Variants in PDGFC observed in about 807,000 individuals in gnomAD.
PDGFC encodes the protein platelet derived growth factor C, also known as platelet-derived growth factor C.
A neutral mutation model predicts 35.5 loss-of-function variants in PDGFC; 12 were observed. The ratio of observed to expected loss-of-function variants is 0.34; its 90% CI spans 0.22 to 0.55. PDGFC has a LOEUF of 0.55. Among genes scored for constraint, PDGFC ranks in the 20% least tolerant of loss-of-function variants. The pLI, the probability that PDGFC is intolerant of heterozygous loss-of-function variation, is 0.91. For missense variants in PDGFC, 322 were observed against 412.4 expected, an observed-to-expected ratio of 0.78 and a Z score of 1.90; for synonymous variants, 159 against 148.8, an observed-to-expected ratio of 1.07 and a Z score of -0.50.
chr4:156,841,193 T>A (rs1310716935), intron 2 of PDGFC, among the ~76,000 whole-genome samples: 1 of 152,160 alleles, frequency 6.6e-6, no homozygotes, highest in East Asian at 1.9e-4. Context: ...CTCACCCAAA[T>A]CACATCTTGA....
At chr4:156,925,688 T>G (rs1731392745) in intron 1 of PDGFC, among the ~76,000 whole-genome samples, 1 of 150,142 alleles carries the variant, frequency 6.7e-6, no homozygotes, top group Non-Finnish European at 1.5e-5. Flanking sequence ...TCTACATACA[T>G]ACAGTATTTG....
intron 3 of PDGFC, among the ~76,000 whole-genome samples, chr4:156,809,848 CTTAAT>C (rs751583176): frequency 2.0e-5 from 3 of 151,670 alleles, no homozygotes; most frequent in Non-Finnish European, 4.4e-5. Flanking sequence ...AAATAATATC[CTTAAT>C]TTAAAGTTTA....
intron 1 of PDGFC, among the ~76,000 whole-genome samples, chr4:156,861,765 C>T (rs1331336932): frequency 2.0e-5 from 3 of 152,040 alleles, no homozygotes; most frequent in Non-Finnish European, 4.4e-5. Context: ...TATTTATTCC[C>T]TTGACTCTTC....
At chr4:156,881,412 T>C (rs1178269004) in intron 1 of PDGFC, among the ~76,000 whole-genome samples, 1 of 152,180 alleles carries the variant, frequency 6.6e-6, no homozygotes, top group Admixed American at 6.5e-5. Context: ...CTCCCTGATA[T>C]GGTTTGGCTC....
At chr4:156,816,232 GA>G (rs1266694139) in intron 2 of PDGFC, among the ~76,000 whole-genome samples, 2 of 152,152 alleles carry the variant, frequency 1.3e-5, no homozygotes, top group African/African-American at 2.4e-5. Context: ...TCAGTAGTGT[GA>G]AAGAAACCCT....
intron 2 of PDGFC, among the ~76,000 whole-genome samples, chr4:156,841,589 C>A (rs1367752848): frequency 6.6e-6 from 1 of 151,636 alleles, no homozygotes; most frequent in Non-Finnish European, 1.5e-5. Context: ...TCACTGCAAC[C>A]TCCACCTCCC....
chr4:156,875,858 G>T (rs1042422189), intron 1 of PDGFC, among the ~76,000 whole-genome samples: 1 of 152,124 alleles, frequency 6.6e-6, no homozygotes, highest in African/African-American at 2.4e-5. Context: ...ATTCCAGCCT[G>T]GGTGACAGAG....
At chr4:156,764,294 A>T (rs1730459131) in intron 5 of PDGFC, among the ~76,000 whole-genome samples, 1 of 152,250 alleles carries the variant, frequency 6.6e-6, no homozygotes, top group South Asian at 2.1e-4. Context: ...TCACTGGAGT[A>T]TGTGGTAATA....
In PDGFC at chr4:156,772,890, A is replaced by G; in HGVS notation, c.499T>C (p.Phe167Leu). 1 of 1,605,478 alleles carries G rather than the reference A, an allele frequency of 6.2e-7. No homozygotes were observed. Among genetic ancestry groups the G allele is most frequent in the Non-Finnish European group, 8.5e-7 (1 of 1,172,534 alleles). Reference sequence around the variant, plus strand: ...ACTGAAGGACTCACAGCTTCTGTGAATTGCTGAAAGTAAAATGAATCCTGT... The same window carrying G: ...ACTGAAGGACTCACAGCTTCTGTGAGTTGCTGAAAGTAAAATGAATCCTGT... ...CIHYNIVMPQ[F>L]TEAVSPSVLP... The change falls in exon 4 of 6, where the codon TTC becomes CTC. Residue 167 changes from phenylalanine (F) to leucine (L), a missense_variant. By Grantham distance (22) the Phe-to-Leu change is conservative. Transcript: ENST00000502773.
chr4:156,903,104 A>AGAGAGAGAGT (rs368483475), intron 1 of PDGFC, among the ~76,000 whole-genome samples: 5 of 130,676 alleles, frequency 3.8e-5, no homozygotes, highest in South Asian at 2.7e-4. Flanking sequence ...AGAGAGAGAG[A>AGAGAGAGAGT]GTGTGTGTGT....
At chr4:156,849,511 T>C (rs1729402736) in intron 2 of PDGFC, among the ~76,000 whole-genome samples, 1 of 152,016 alleles carries the variant, frequency 6.6e-6, no homozygotes, top group African/African-American at 2.4e-5. Context: ...AAGTGAAAAA[T>C]CTTCAGTAAG....
chr4:156,807,700 A>G (rs1384145657), intron 3 of PDGFC, among the ~76,000 whole-genome samples: 1 of 152,046 alleles, frequency 6.6e-6, no homozygotes, highest in East Asian at 1.9e-4. Context: ...TTAACTGTTG[A>G]CCAGAACCCG....
intron 2 of PDGFC, among the ~76,000 whole-genome samples, chr4:156,836,182 C>G (rs1443857628): frequency 1.3e-5 from 2 of 152,096 alleles, no homozygotes; most frequent in Non-Finnish European, 2.9e-5. Flanking sequence ...TCATTTCCCA[C>G]CTTTGCATGA....
intron 2 of PDGFC, among the ~76,000 whole-genome samples, chr4:156,837,941 C>T (rs997696319): frequency 6.6e-6 from 1 of 152,010 alleles, no homozygotes; most frequent in Non-Finnish European, 1.5e-5. Context: ...TTGGTCAGAT[C>T]CCCACCCTCT....
Position 156,777,048 on chromosome 4 carries a change from T to C in PDGFC, c.496-4155A>G, listed in dbSNP as rs547170698. 2.6e-5 allele frequency among the ~76,000 whole-genome samples: 4 copies of C among 152,320 alleles called. No individual in the cohort carries two copies. The East Asian group carries it at 7.7e-4, about 29-fold the overall frequency. ...TAATGGGACTGAACTCTATTTTTTT[T>C]TTCTTTTAACTCTCCTTGTTGTTTT... On this transcript the variant is annotated intron_variant, in intron 3 of 5. Coordinates refer to ENST00000502773, the MANE Select transcript of PDGFC (RefSeq NM_016205.3).
chr4:156,890,619 G>A (rs943170304), intron 1 of PDGFC, among the ~76,000 whole-genome samples: 2 of 152,028 alleles, frequency 1.3e-5, no homozygotes, highest in Non-Finnish European at 2.9e-5. Context: ...CACCCTCTTT[G>A]GTTGGTTTAC....
At chr4:156,921,288 C>G (rs1731275548) in intron 1 of PDGFC, among the ~76,000 whole-genome samples, 1 of 152,086 alleles carries the variant, frequency 6.6e-6, no homozygotes, top group Non-Finnish European at 1.5e-5. Context: ...GGGTGGTGAT[C>G]AGAATCTAAT....
intron 1 of PDGFC, among the ~76,000 whole-genome samples, chr4:156,942,307 C>T (rs897156178): frequency 2.0e-5 from 3 of 151,948 alleles, no homozygotes; most frequent in Non-Finnish European, 2.9e-5. Context: ...TTTCCAACAT[C>T]GAATGTACTT....
intron 1 of PDGFC, among the ~76,000 whole-genome samples, chr4:156,875,937 T>C (rs1206209156): frequency 6.6e-6 from 1 of 152,008 alleles, no homozygotes; most frequent in Admixed American, 6.6e-5. Flanking sequence ...CAAAAGCTGT[T>C]CCATATCATC....
Sources: allele counts gnomAD v4.1 joint callset (sites outside exome capture counted in the v4.1 genomes callset), GRCh38; gene constraint gnomAD v4.1.1; transcripts MANE v1.5; gene names NCBI Gene and HGNC (gene_info 2026-07-23, HGNC 2026-07-21).